Variants in SUGCT observed in about 807,000 individuals in gnomAD.
SUGCT encodes succinyl-CoA:glutarate-CoA transferase, also known as succinyl-CoA:glutarate CoA-transferase.
Under a neutral mutation model 55.0 loss-of-function variants are expected in SUGCT, and 41 were observed. That is an observed-to-expected ratio of 0.74 (90% confidence interval 0.58 to 0.97). SUGCT has a LOEUF of 0.97. Ranked by LOEUF, SUGCT falls within the 50% of genes least tolerant of loss-of-function variation. SUGCT has a pLI of 0.00. For synonymous variants in SUGCT, 187 were observed against 200.4 expected (o/e 0.93, Z 0.56); for missense variants, 568 against 547.8 (o/e 1.04, Z -0.37).
intron 12 of SUGCT, among the ~76,000 whole-genome samples, chr7:40,700,154 C>A (rs1443906981): frequency 6.6e-6 from 1 of 152,154 alleles, no homozygotes; most frequent in Non-Finnish European, 1.5e-5. Context: ...GAGTCAAATA[C>A]AATTTCTGGG....
intron 12 of SUGCT, among the ~76,000 whole-genome samples, chr7:40,522,953 A>T (rs532594596): frequency 2.6e-5 from 4 of 152,138 alleles, no homozygotes; most frequent in Non-Finnish European, 5.9e-5. Context: ...TTTTATGCAT[A>T]AAAGCTTTAT....
intron 7 of SUGCT, among the ~76,000 whole-genome samples, chr7:40,249,666 A>G (rs895380309): frequency 6.6e-6 from 1 of 152,034 alleles, no homozygotes; most frequent in Non-Finnish European, 1.5e-5. Context: ...TTCTTAATTC[A>G]TGCACCTTTC....
intron 12 of SUGCT, among the ~76,000 whole-genome samples, chr7:40,614,466 A>G (rs1178028854): frequency 6.6e-6 from 1 of 152,188 alleles, no homozygotes; most frequent in Non-Finnish European, 1.5e-5. Context: ...TATTTCTTGC[A>G]GCATCTCACA....
intron 7 of SUGCT, among the ~76,000 whole-genome samples, chr7:40,251,453 G>T (rs1790397045): frequency 2.0e-5 from 3 of 152,170 alleles, no homozygotes; most frequent in Non-Finnish European, 2.9e-5. Context: ...GTGGGATGAG[G>T]TTGAAGAGAA....
At chr7:40,733,567 A>T (rs1385942146) in intron 12 of SUGCT, among the ~76,000 whole-genome samples, 3 of 152,202 alleles carry the variant, frequency 2.0e-5, no homozygotes, top group African/African-American at 7.2e-5. Context: ...AAACGTGTTA[A>T]TTATCATAAT....
intron 9 of SUGCT, among the ~76,000 whole-genome samples, chr7:40,440,826 T>G (rs949554100): frequency 4.6e-5 from 7 of 151,972 alleles, no homozygotes; most frequent in Non-Finnish European, 1.0e-4. Context: ...ACAGTGAGAC[T>G]CCATCTGAGT....
chr7:40,946,027 A>G, the SUGCT span, among the ~76,000 whole-genome samples: 1 of 151,962 alleles, frequency 6.6e-6, no homozygotes. Flanking sequence ...CAGCTGTAGT[A>G]GTGATTCATT....
At chr7:40,796,494 G>T (rs1790560596) in intron 13 of SUGCT, among the ~76,000 whole-genome samples, 1 of 152,136 alleles carries the variant, frequency 6.6e-6, no homozygotes, top group Non-Finnish European at 1.5e-5. Flanking sequence ...GGAATATTGA[G>T]CTTTTATTCT....
intron 1 of SUGCT, among the ~76,000 whole-genome samples, chr7:40,143,141 T>C (rs1271671500): frequency 2.0e-5 from 3 of 152,166 alleles, no homozygotes; most frequent in African/African-American, 7.2e-5. Flanking sequence ...GTAAAAGGGA[T>C]AGCCGATTGG....
At chr7:40,184,548 G>T (rs1785391301) in intron 3 of SUGCT, among the ~76,000 whole-genome samples, 1 of 151,838 alleles carries the variant, frequency 6.6e-6, no homozygotes, top group South Asian at 2.1e-4. Flanking sequence ...GCCCAGGCTG[G>T]TCTTGAACTC....
chr7:40,908,711 A>T, the SUGCT span, among the ~76,000 whole-genome samples: 1 of 152,178 alleles, frequency 6.6e-6, no homozygotes, highest in East Asian at 1.9e-4. Context: ...CAGATTTTTC[A>T]TAGTAATATT....
chr7:40,647,141 TG>T (rs1251984838), intron 12 of SUGCT, among the ~76,000 whole-genome samples: 1 of 152,170 alleles, frequency 6.6e-6, no homozygotes, highest in African/African-American at 2.4e-5. Flanking sequence ...CATTTTTTAC[TG>T]GGGGCTGGAA....
chr7:40,165,864 G>A (rs1376297790), intron 1 of SUGCT, among the ~76,000 whole-genome samples: 1 of 152,106 alleles, frequency 6.6e-6, no homozygotes, highest in East Asian at 1.9e-4. Context: ...TCATGCCTAT[G>A]ACCGCAGAAC....
chr7:40,648,931 G>C (rs116557755), intron 12 of SUGCT, among the ~76,000 whole-genome samples: 2 of 152,140 alleles, frequency 1.3e-5, no homozygotes, highest in Non-Finnish European at 2.9e-5. Context: ...GAGGCAATTT[G>C]TTACAGCAGC....
intron 7 of SUGCT, among the ~76,000 whole-genome samples, chr7:40,253,403 C>T (rs901206087): frequency 9.8e-5 from 15 of 152,294 alleles, no homozygotes; most frequent in African/African-American, 2.4e-4. Flanking sequence ...CATCTTCATG[C>T]GTGAAATTAT....
At chr7:40,499,200 G>T (rs776450909) in intron 12 of SUGCT, 3 of 443,404 alleles carry the variant, frequency 6.8e-6, no homozygotes, top group South Asian at 4.8e-5. Flanking sequence ...ACAAGGCCTG[G>T]AACATGGCGT....
At chr7:40,453,343 G>A (rs532986961) in intron 10 of SUGCT, among the ~76,000 whole-genome samples, 3 of 152,256 alleles carry the variant, frequency 2.0e-5, no homozygotes, top group South Asian at 2.1e-4. Context: ...CTGGGGAGTG[G>A]GATAACTAAA....
chr7:40,612,787 G>T (rs1422422829), intron 12 of SUGCT, among the ~76,000 whole-genome samples: 1 of 152,188 alleles, frequency 6.6e-6, no homozygotes, highest in Non-Finnish European at 1.5e-5. Context: ...ATGATTATTA[G>T]AATTGTATTT....
At chr7:40,899,952 G>A in the SUGCT span, among the ~76,000 whole-genome samples, 1 of 152,128 alleles carries the variant, frequency 6.6e-6, no homozygotes, top group South Asian at 2.1e-4. Context: ...CTGGAGTTTC[G>A]CAGGATCTGG....
Sources: gnomAD v4.1 joint callset for allele counts (sites outside exome capture counted in the v4.1 genomes callset) on GRCh38, gnomAD v4.1.1 for gene constraint, MANE v1.5 for transcripts, NCBI Gene and HGNC (gene_info 2026-07-23, HGNC 2026-07-21) for gene names.